Variants in PI4KA observed in about 807,000 individuals in gnomAD.
PI4KA encodes phosphatidylinositol 4-kinase alpha.
Under a neutral mutation model 271.4 loss-of-function variants are expected in PI4KA, and 122 were observed. The observed-to-expected ratio is 0.45, with a 90% CI of 0.39 to 0.52. The LOEUF is 0.52. PI4KA is among the 20% of genes least tolerant of loss of function. PI4KA has a pLI of 0.00. For missense variants in PI4KA, 1,969 were observed against 2,769.1 expected (o/e 0.71, Z 6.48); for synonymous variants, 1,041 against 1,078.8 (o/e 0.96, Z 0.69).
intron 9 of PI4KA, among the ~76,000 whole-genome samples, chr22:20,810,018 C>T (rs1481681818): frequency 6.6e-6 from 1 of 152,136 alleles, no homozygotes; most frequent in East Asian, 1.9e-4. Flanking sequence ...AGAGAAGGAA[C>T]ACCAGGCTTC....
At chr22:20,801,346 G>A (rs1935317660) in intron 14 of PI4KA, among the ~76,000 whole-genome samples, 1 of 151,920 alleles carries the variant, frequency 6.6e-6, no homozygotes, top group African/African-American at 2.4e-5. Context: ...AGCACTTTGG[G>A]AGGCTGAGGC....
intron 19 of PI4KA, among the ~76,000 whole-genome samples, chr22:20,771,708 A>G (rs1005058773): frequency 2.6e-5 from 4 of 151,804 alleles, no homozygotes; most frequent in African/African-American, 9.7e-5. Context: ...CAGCCTCCCG[A>G]GTAGCTGGGA....
chr22:20,737,629 T>C (rs1002549659), intron 32 of PI4KA, among the ~76,000 whole-genome samples: 33 of 113,534 alleles, frequency 2.9e-4, no homozygotes, highest in African/African-American at 1.1e-3. Context: ...GCCCCTACTC[T>C]TTTTCTTTTT....
Position 20,759,376 on chromosome 22 carries a change from G to A in PI4KA, c.2791+1928C>T, listed in dbSNP as rs573213450. On this transcript the variant is annotated intron_variant, in intron 23 of 54. Coordinates refer to ENST00000255882, the MANE Select transcript of PI4KA (RefSeq NM_058004.4). Reference sequence around the variant, plus strand: ...ATTTTTAAAAAACATTTCTTGAAGCGTTGATTTTTCTTTTTCTTTTCTTTT... The same window carrying A: ...ATTTTTAAAAAACATTTCTTGAAGCATTGATTTTTCTTTTTCTTTTCTTTT... 8.5e-5 allele frequency among the ~76,000 whole-genome samples: 12 copies of A among 141,818 alleles called. No homozygotes were observed. In the South Asian group the frequency reaches 1.2e-3, roughly 14 times the overall value. The allele number at this position is 141,818 out of a possible 152,430, so 93.0% of individuals were successfully genotyped here.
intron 10 of PI4KA, among the ~76,000 whole-genome samples, chr22:20,806,935 T>C (rs568229942): frequency 1.2e-4 from 18 of 152,122 alleles, no homozygotes; most frequent in Admixed American, 3.9e-4. Context: ...GGTTTCACCC[T>C]GTTTGGCAAG....
Position 20,717,751 on chromosome 22 carries a change from C to G in PI4KA, c.5274G>C (p.Lys1758Asn), listed in dbSNP as rs754531135. 1.3e-6 allele frequency: 2 copies of G among 1,578,068 alleles called. No individual in the cohort carries two copies. The highest frequency in any genetic ancestry group is 1.7e-6 in the Non-Finnish European group (2 of 1,160,208). ...CAGACAGGGCCGACAGACAAGCCTT[C>G]TTTCTCTCGTCGCCTTTAGGGTAGG... is the stretch of plus-strand genomic sequence containing the variant. ...IKPYPKGDER[K>N]KACLSALSEV... The change falls in exon 45 of 55, where the codon AAG becomes AAC. Residue 1758 changes from lysine to asparagine, a missense_variant. Physicochemically the swap from Lys to Asn is moderately conservative, Grantham distance 94 (BLOSUM62 0). Around this residue, in one of 13 missense-constraint regions of PI4KA, gnomAD observed 388 missense variants for 521.5 expected, o/e 0.74. Coordinates refer to ENST00000255882, the MANE Select transcript of PI4KA (RefSeq NM_058004.4).
chr22:20,740,629 C>T (rs1929316410), intron 32 of PI4KA, among the ~76,000 whole-genome samples: 1 of 151,898 alleles, frequency 6.6e-6, no homozygotes, highest in Non-Finnish European at 1.5e-5. Flanking sequence ...GAGAAACATC[C>T]AACAAGTAGT....
chr22:20,784,968 C>T (rs1384474869), intron 19 of PI4KA, among the ~76,000 whole-genome samples: 1 of 151,944 alleles, frequency 6.6e-6, no homozygotes, highest in African/African-American at 2.4e-5. Context: ...GGTAGCCAGT[C>T]ATCATGCTCT....
At chr22:20,779,713 C>T (rs1406174927) in intron 19 of PI4KA, 1 of 1,614,142 alleles carries the variant, frequency 6.2e-7, no homozygotes, top group African/African-American at 1.3e-5. Context: ...GCCAAGTTCG[C>T]TTTCAACCTC....
chr22:20,729,687 C>T lies in PI4KA; in HGVS notation c.4433G>A (p.Gly1478Asp). 1 of 1,590,542 alleles carries T rather than the reference C, an allele frequency of 6.3e-7. No individual in the cohort carries two copies. Among genetic ancestry groups the T allele is most frequent in the Non-Finnish European group, 8.6e-7 (1 of 1,166,620 alleles). The change falls in exon 38 of 55, where the codon GGC (glycine) becomes GAC (aspartate). Residue 1478 changes from glycine to aspartate, a missense_variant. By Grantham distance (94) the Gly-to-Asp change is moderately conservative. Transcript: ENST00000255882. ...KSGMSKKTNR[G>D]SQLHKYYMKR... The stretch of plus-strand genomic sequence containing the variant: ...CATGTAGTATTTGTGCAGCTGGGAG[C>T]CCCGGTTGGTTTTCTTAGACATGCC...
At chr22:20,760,920 C>A (rs995758062) in intron 23 of PI4KA, among the ~76,000 whole-genome samples, 1 of 152,178 alleles carries the variant, frequency 6.6e-6, no homozygotes, top group African/African-American at 2.4e-5. Flanking sequence ...CACTCAGCCT[C>A]CCAAGTAACT....
At chr22:20,807,012 C>T (rs570152093) in intron 10 of PI4KA, among the ~76,000 whole-genome samples, 4 of 152,190 alleles carry the variant, frequency 2.6e-5, no homozygotes, top group South Asian at 4.1e-4. Context: ...TGGGATTATA[C>T]GCATAAGCCA....
intron 32 of PI4KA, among the ~76,000 whole-genome samples, chr22:20,737,412 T>C (rs1167278988): frequency 6.6e-6 from 1 of 152,078 alleles, no homozygotes; most frequent in Non-Finnish European, 1.5e-5. Context: ...CCAACTGCCC[T>C]GCCCCCAGGG....
intron 19 of PI4KA, among the ~76,000 whole-genome samples, chr22:20,777,456 G>A (rs189125918): frequency 3.3e-5 from 5 of 152,200 alleles, no homozygotes; most frequent in Admixed American, 3.3e-4. Flanking sequence ...GACCTCAGAT[G>A]ATCCGCCCAC....
At chr22:20,754,947 C>T (rs960860671) in intron 23 of PI4KA, among the ~76,000 whole-genome samples, 3 of 152,114 alleles carry the variant, frequency 2.0e-5, no homozygotes, top group Admixed American at 6.6e-5. Context: ...GACTCCATCT[C>T]AAACAAAACA....
intron 36 of PI4KA, 58 bp from the exon 37 acceptor site, chr22:20,730,069 AAAAAT>A: frequency 6.3e-7 from 1 of 1,594,122 alleles, no homozygotes; most frequent in Non-Finnish European, 8.6e-7. Flanking sequence ...AGGTACCACA[AAAAAT>A]AAACTACTAT....
intron 7 of PI4KA, among the ~76,000 whole-genome samples, chr22:20,815,153 C>A (rs753450209): frequency 6.6e-6 from 1 of 151,972 alleles, no homozygotes; most frequent in Non-Finnish European, 1.5e-5. Flanking sequence ...GAGGCCGAGG[C>A]GGGTGGATCA....
chr22:20,819,566 G>T, intron 6 of PI4KA, 75 bp downstream of exon 6: 1 of 1,363,882 alleles, frequency 7.3e-7, no homozygotes, highest in Non-Finnish European at 1.0e-6. Flanking sequence ...CAACTACAAA[G>T]AAGAGGGATT....
At chr22:20,829,888 T>G (rs918919492) in intron 3 of PI4KA, among the ~76,000 whole-genome samples, 12 of 152,256 alleles carry the variant, frequency 7.9e-5, no homozygotes, top group Admixed American at 3.9e-4. Context: ...TCTTGATTTC[T>G]GCCTTAATTT....
Sources: gnomAD v4.1 joint callset for allele counts (sites outside exome capture counted in the v4.1 genomes callset) on GRCh38, gnomAD v4.1.1 for gene constraint, gnomAD v4.1.1 regional missense constraint, MANE v1.5 for transcripts, NCBI Gene and HGNC (gene_info 2026-07-23, HGNC 2026-07-21) for gene names.